The following CSMD1 variants were observed in gnomAD, a reference collection of about 807,000 sequenced individuals.
The protein encoded by CSMD1 is CUB and Sushi multiple domains 1.
Under a neutral mutation model 417.5 loss-of-function variants are expected in CSMD1, and 213 were observed. The ratio of observed to expected loss-of-function variants is 0.51; its 90% CI spans 0.46 to 0.57. The LOEUF is 0.57. CSMD1 is among the 20% of genes least tolerant of loss of function. The pLI, the probability that CSMD1 is intolerant of heterozygous loss-of-function variation, is 0.00. For missense variants in CSMD1, 6,923 were observed against 4,529.7 expected (o/e 1.53, Z -15.17); for synonymous variants, 2,862 against 1,736.8 (o/e 1.65, Z -16.11).
intron 46 of CSMD1, among the ~76,000 whole-genome samples, chr8:3,105,212 C>G (rs1490059837): frequency 6.6e-6 from 1 of 152,198 alleles, no homozygotes; most frequent in Non-Finnish European, 1.5e-5. Context: ...TCTGTGTGCA[C>G]AGTGCAGGGA....
chr8:4,000,590 G>A (rs189971124), intron 4 of CSMD1, among the ~76,000 whole-genome samples: 36 of 152,198 alleles, frequency 2.4e-4, no homozygotes, highest in Non-Finnish European at 4.6e-4. Context: ...TTCTTTAAAC[G>A]CAAATATAAA....
At chr8:3,789,573 C>A (rs1283738138) in intron 5 of CSMD1, among the ~76,000 whole-genome samples, 1 of 150,990 alleles carries the variant, frequency 6.6e-6, no homozygotes, top group Non-Finnish European at 1.5e-5. Context: ...CACTCACTTG[C>A]TAAATAAAGC....
intron 12 of CSMD1, among the ~76,000 whole-genome samples, chr8:3,429,015 G>A (rs570583798): frequency 6.6e-6 from 1 of 152,142 alleles, no homozygotes. Flanking sequence ...AGGATGGAAT[G>A]GTGGTTACCA....
At position 4,764,885 on chromosome 8, in the gene CSMD1, A is replaced by AACAAAAAAAAAAACAAAACAAAAC. The variant is rs1554473643; in HGVS notation, c.86-127328_86-127327insGTTTTGTTTTGTTTTTTTTTTTGT. ...GAGACTCCATCTCAAAAAAAAAAAAAAAAAAAAAACAACAACAACAAAAAA... is the reference window on the plus strand; with the variant it reads ...GAGACTCCATCTCAAAAAAAAAAAAAACAAAAAAAAAAACAAAACAAAACAAAAAAAAACAACAACAACAAAAAA... On this transcript the variant is annotated intron_variant, in intron 1 of 69. Transcript: ENST00000635120. 2.3e-3 allele frequency among the ~76,000 whole-genome samples: 173 copies of AACAAAAAAAAAAACAAAACAAAAC among 74,764 alleles called. 6 individuals carry two copies. The East Asian group carries it at 0.034, about 15-fold the overall frequency. The allele number at this position is 74,764 out of a possible 152,430, so 49.0% of individuals were successfully genotyped here. A position where few individuals can be genotyped will look rare whatever the true frequency, so the allele number is the denominator to read the frequency against.
rs546725126 is a variant in CSMD1, at chr8:4,138,662, T to C, written c.416-106563A>G. ...TCTTAAGGTTGACTTTTCAAAGTAT[T>C]ATTTCTATTTTTCAAAGTTAAATTG... On this transcript the variant is annotated intron_variant, in intron 3 of 69. Coordinates refer to ENST00000635120, the MANE Select transcript of CSMD1 (RefSeq NM_033225.6). Among the ~76,000 whole-genome samples, 14 of 152,314 alleles carry C rather than the reference T, an allele frequency of 9.2e-5. No individual in the cohort carries two copies. The East Asian group carries it at 2.7e-3, about 29-fold the overall frequency.
intron 3 of CSMD1, among the ~76,000 whole-genome samples, chr8:4,287,518 A>G (rs552832775): frequency 1.3e-5 from 2 of 152,218 alleles, no homozygotes; most frequent in South Asian, 2.1e-4. Flanking sequence ...TACACCACAC[A>G]TGTTGCAGCT....
chr8:3,097,864 A>T (rs1815433743), intron 46 of CSMD1, among the ~76,000 whole-genome samples: 1 of 152,220 alleles, frequency 6.6e-6, no homozygotes. Flanking sequence ...TCTCAATCCC[A>T]CATGGGACAT....
intron 50 of CSMD1, among the ~76,000 whole-genome samples, chr8:3,044,468 T>C (rs1055400397): frequency 6.6e-6 from 1 of 152,120 alleles, no homozygotes; most frequent in Non-Finnish European, 1.5e-5. Flanking sequence ...AGCTTAATGG[T>C]TTTGTTTTCT....
intron 1 of CSMD1, among the ~76,000 whole-genome samples, chr8:4,905,030 A>G (rs1289550047): frequency 6.6e-6 from 1 of 152,200 alleles, no homozygotes; most frequent in Non-Finnish European, 1.5e-5. Flanking sequence ...AGTAGAAATT[A>G]AAAATAGCTG....
At chr8:4,352,731 T>C (rs935830799) in intron 3 of CSMD1, among the ~76,000 whole-genome samples, 2 of 152,254 alleles carry the variant, frequency 1.3e-5, no homozygotes, top group African/African-American at 2.4e-5. Flanking sequence ...CCCTCTGTTC[T>C]GAGATTTAAG....
chr8:3,382,987 A>C (rs1420397279), intron 18 of CSMD1, among the ~76,000 whole-genome samples: 1 of 152,186 alleles, frequency 6.6e-6, no homozygotes. Context: ...ACGCTGTGAC[A>C]AAGTCAGCCG....
Position 4,056,318 on chromosome 8 carries a change from G to C in CSMD1, c.416-24219C>G, listed in dbSNP as rs995371308. 4.0e-5 allele frequency among the ~76,000 whole-genome samples: 6 copies of C among 151,474 alleles called. No individual in the cohort carries two copies. The South Asian group carries it at 6.3e-4, about 16-fold the overall frequency. On this transcript the variant is annotated intron_variant, in intron 3 of 69. Transcript: ENST00000635120. Reference sequence around the variant, plus strand: ...GGCTCGTCTCAAACTCCTGACCTTAGGTGATCCACCCGCGTCAGCCTCCCA... The same window carrying C: ...GGCTCGTCTCAAACTCCTGACCTTACGTGATCCACCCGCGTCAGCCTCCCA...
intron 3 of CSMD1, among the ~76,000 whole-genome samples, chr8:4,056,177 G>A (rs1285836336): frequency 6.8e-6 from 1 of 147,024 alleles, no homozygotes; most frequent in Non-Finnish European, 1.5e-5. Flanking sequence ...TGCCTCTTGG[G>A]TTCGAGCAAT....
intron 10 of CSMD1, among the ~76,000 whole-genome samples, chr8:3,517,294 G>A (rs566231106): frequency 2.0e-5 from 3 of 152,278 alleles, no homozygotes; most frequent in Non-Finnish European, 4.4e-5. Context: ...ACAAAAGATG[G>A]AAAGAAGAGG....
intron 3 of CSMD1, among the ~76,000 whole-genome samples, chr8:4,209,226 AC>A (rs33986944): frequency 0.03 from 4,554 of 152,236 alleles, 131 homozygotes; most frequent in Non-Finnish European, 0.047. Flanking sequence ...TTAAAAAGAC[AC>A]TTGCCCAGAT....
rs180671911 is a variant in CSMD1, at chr8:4,933,990, C to T, written c.85+60342G>A. On this transcript the variant is annotated intron_variant, in intron 1 of 69. Coordinates refer to ENST00000635120, the MANE Select transcript of CSMD1 (RefSeq NM_033225.6). ...GTCACTCTCACTCAACAGTTACTTA[C>T]GTTTATGCTTTTTTTTTAAAAAAAA... Among the ~76,000 whole-genome samples, 115 of 150,466 alleles carry T rather than the reference C, an allele frequency of 7.6e-4. 5 individuals are homozygous for T. In the South Asian group the frequency reaches 0.012, roughly 15 times the overall value.
At chr8:3,404,160 G>C (rs1161527) in intron 15 of CSMD1, among the ~76,000 whole-genome samples, 125,515 of 151,872 alleles carry the variant, frequency 0.83, 52,190 homozygotes, top group South Asian at 0.87. Context: ...ATGTTGAAAC[G>C]TCCCCTCTAC....
At chr8:3,825,164 G>A (rs1801981007) in intron 5 of CSMD1, among the ~76,000 whole-genome samples, 1 of 152,080 alleles carries the variant, frequency 6.6e-6, no homozygotes, top group Non-Finnish European at 1.5e-5. Flanking sequence ...TTTCCCAGAA[G>A]CTGTAGGTGA....
At position 3,562,468 on chromosome 8, in the gene CSMD1, C is replaced by G. The variant is rs569281983; in HGVS notation, c.1344+12477G>C. ...TACACATACTCACAGCATATATATG[C>G]ACACACACACATTAAGGTTGAACAC... On this transcript the variant is annotated intron_variant, in intron 10 of 69. Transcript: ENST00000635120. 1.9e-4 allele frequency among the ~76,000 whole-genome samples: 20 copies of G among 107,472 alleles called. No individual in the cohort carries two copies. The South Asian group carries it at 5.0e-3, about 27-fold the overall frequency. 70.5% of individuals were successfully genotyped at this position (107,472 alleles called of 152,430 possible).
Sources: allele counts gnomAD v4.1 joint callset (sites outside exome capture counted in the v4.1 genomes callset), GRCh38; gene constraint gnomAD v4.1.1; transcripts MANE v1.5; gene names NCBI Gene and HGNC (gene_info 2026-07-23, HGNC 2026-07-21).